The following RAD51B variants were observed in gnomAD, a reference collection of about 807,000 sequenced individuals.
The protein encoded by RAD51B is RAD51 paralog B.
RAD51B carries 38 observed loss-of-function variants against 42.2 expected under a neutral mutation model. That is an observed-to-expected ratio of 0.90 (90% CI 0.70 to 1.18). The LOEUF (loss-of-function observed/expected upper bound fraction) is 1.18, where lower values mean the gene tolerates loss of function less well. RAD51B is among the 50% of genes most tolerant of loss of function. The pLI, the probability that RAD51B is intolerant of heterozygous loss-of-function variation, is 0.00. For missense variants in RAD51B, 373 were observed against 400.7 expected, an observed-to-expected ratio of 0.93 and a Z score of 0.59; for synonymous variants, 154 against 145.2, an observed-to-expected ratio of 1.06 and a Z score of -0.43.
intron 7 of RAD51B, among the ~76,000 whole-genome samples, chr14:68,146,785 T>A (rs914579033): frequency 2.8e-4 from 43 of 152,272 alleles, no homozygotes; most frequent in African/African-American, 9.1e-4. Flanking sequence ...GGGTTTTTTT[T>A]AAATTGTTTT....
At chr14:68,088,624 CAG>C (rs145869631) in intron 7 of RAD51B, among the ~76,000 whole-genome samples, 213 of 119,902 alleles carry the variant, frequency 1.8e-3, no homozygotes, top group Middle Eastern at 0.012. Context: ...GTGTGTGAGA[CAG>C]AGAGAGAGAG....
At chr14:68,159,349 C>T (rs1472354480) in intron 7 of RAD51B, among the ~76,000 whole-genome samples, 1 of 151,980 alleles carries the variant, frequency 6.6e-6, no homozygotes, top group Non-Finnish European at 1.5e-5. Flanking sequence ...AGGCTGGTCA[C>T]GGTGGCTCAC....
At chr14:68,446,001 C>T (rs748283073) in intron 9 of RAD51B, among the ~76,000 whole-genome samples, 3 of 152,178 alleles carry the variant, frequency 2.0e-5, no homozygotes, top group African/African-American at 4.8e-5. Flanking sequence ...CATGGTTTGA[C>T]GTCTAAATTA....
chr14:68,051,237 A>G (rs1055988386), intron 7 of RAD51B, among the ~76,000 whole-genome samples: 7 of 152,086 alleles, frequency 4.6e-5, no homozygotes, highest in Non-Finnish European at 7.4e-5. Flanking sequence ...CATGAAAAAG[A>G]TTATCTACTT....
At chr14:68,567,557 T>C (rs1468473911) in intron 10 of RAD51B, among the ~76,000 whole-genome samples, 1 of 152,218 alleles carries the variant, frequency 6.6e-6, no homozygotes, top group African/African-American at 2.4e-5. Context: ...TGTTACCACA[T>C]GTTTATATGG....
chr14:68,082,632 A>T (rs1341107384), intron 7 of RAD51B, among the ~76,000 whole-genome samples: 1 of 149,762 alleles, frequency 6.7e-6, no homozygotes, highest in Non-Finnish European at 1.5e-5. Context: ...CTTGGAATTC[A>T]TTCCATGTTA....
chr14:68,311,474 C>T (rs1475002374), intron 8 of RAD51B, among the ~76,000 whole-genome samples: 1 of 152,182 alleles, frequency 6.6e-6, no homozygotes, highest in East Asian at 1.9e-4. Flanking sequence ...AATCTTTAAG[C>T]TATCTCAGCT....
At chr14:68,530,574 A>C (rs1887238533) in intron 10 of RAD51B, among the ~76,000 whole-genome samples, 1 of 152,048 alleles carries the variant, frequency 6.6e-6, no homozygotes, top group Non-Finnish European at 1.5e-5. Context: ...AATAGATTCC[A>C]GCAGACAGTG....
chr14:67,893,686 A>G (rs2043311598), intron 7 of RAD51B, among the ~76,000 whole-genome samples: 6 of 152,054 alleles, frequency 3.9e-5, no homozygotes. Flanking sequence ...AAATAAATAA[A>G]TAGAAATAAA....
chr14:68,067,681 A>G (rs1349238463), intron 7 of RAD51B, among the ~76,000 whole-genome samples: 1 of 151,952 alleles, frequency 6.6e-6, no homozygotes, highest in Non-Finnish European at 1.5e-5. Context: ...TAACGTATTT[A>G]AAGTGACATA....
chr14:67,981,622 C>T (rs1227593384), intron 7 of RAD51B, among the ~76,000 whole-genome samples: 1 of 152,118 alleles, frequency 6.6e-6, no homozygotes, highest in African/African-American at 2.4e-5. Context: ...ATACTATTTA[C>T]AATAAAAATG....
At chr14:67,922,418 T>C (rs2044355442) in intron 7 of RAD51B, among the ~76,000 whole-genome samples, 1 of 152,186 alleles carries the variant, frequency 6.6e-6, no homozygotes, top group Non-Finnish European at 1.5e-5. Flanking sequence ...GTTTAGGAAA[T>C]ATTATTGCAG....
At chr14:68,193,874 C>T (rs1402139604) in intron 7 of RAD51B, among the ~76,000 whole-genome samples, 3 of 152,110 alleles carry the variant, frequency 2.0e-5, no homozygotes, top group East Asian at 1.9e-4. Context: ...TGTAAGATGG[C>T]ATGTTATCTG....
Position 68,183,829 on chromosome 14 carries a change from C to T in RAD51B, c.757-108055C>T, listed in dbSNP as rs540484695. Among the ~76,000 whole-genome samples, 5 of 152,196 alleles carry T rather than the reference C, an allele frequency of 3.3e-5. No individual in the cohort carries two copies. In the East Asian group the frequency reaches 9.7e-4, roughly 29 times the overall value. On this transcript the variant is annotated intron_variant, in intron 7 of 10. Transcript: ENST00000471583. ...CTGGGTAAGGCCGGGCGTAGTGGCT[C>T]ACGCCTGTAATCCCAGCACTTTGGG...
At chr14:68,229,238 C>T (rs2080100033) in intron 7 of RAD51B, among the ~76,000 whole-genome samples, 2 of 152,068 alleles carry the variant, frequency 1.3e-5, no homozygotes, top group African/African-American at 4.8e-5. Context: ...TTTGTATTGA[C>T]CTGTAGTCAT....
chr14:68,458,485 C>T lies in RAD51B; in HGVS notation c.958-9687C>T, dbSNP rs926175604. Among the ~76,000 whole-genome samples the T allele has an allele frequency of 2.0e-5, 3 of 152,048 alleles. No homozygotes were observed. The South Asian group carries it at 6.2e-4, about 32-fold the overall frequency. On this transcript the variant is annotated intron_variant, in intron 9 of 10. Transcript: ENST00000471583. ...TAATATTTTCTTTAAGGAGCCCTAG[C>T]TCTTTTCTAGGCAATACTTTCTTAT...
downstream of RAD51B, among the ~76,000 whole-genome samples, chr14:68,482,840 T>A (rs9323512): frequency 0.42 from 64,052 of 151,964 alleles, 14,046 homozygotes; most frequent in East Asian, 0.56. Context: ...GAGGAAACCA[T>A]TAAATCACTA....
chr14:68,232,109 C>A (rs1415313869), intron 7 of RAD51B, among the ~76,000 whole-genome samples: 1 of 152,162 alleles, frequency 6.6e-6, no homozygotes, highest in African/African-American at 2.4e-5. Context: ...ATATGAGAAG[C>A]CTTCCTGACA....
chr14:68,632,534 G>T (rs1167855273), intron 10 of RAD51B, among the ~76,000 whole-genome samples: 1 of 152,182 alleles, frequency 6.6e-6, no homozygotes, highest in East Asian at 1.9e-4. Flanking sequence ...GGGAGCTCCG[G>T]ATCGAGGGAT....
Sources: allele counts gnomAD v4.1 joint callset (sites outside exome capture counted in the v4.1 genomes callset), GRCh38; gene constraint gnomAD v4.1.1; transcripts MANE v1.5; gene names NCBI Gene and HGNC (gene_info 2026-07-23, HGNC 2026-07-21).